The following MUC17 variants were observed in gnomAD, a reference collection of about 807,000 sequenced individuals.
MUC17 encodes the protein mucin 17, cell surface associated.
In MUC17, 190 loss-of-function variants were observed where a neutral mutation model predicts 170.3. That is an observed-to-expected ratio of 1.12 (90% CI 0.99 to 1.26). The LOEUF (loss-of-function observed/expected upper bound fraction) is 1.26, where lower values mean the gene tolerates loss of function less well. Ranked by LOEUF, MUC17 falls within the 50% of genes most tolerant of loss-of-function variation. The probability of loss-of-function intolerance (pLI) is 0.00; values close to 1 mark genes in which losing one functional copy is unlikely to be tolerated. For missense variants in MUC17, 6,415 were observed against 5,530.0 expected, an observed-to-expected ratio of 1.16 and a Z score of -5.08; for synonymous variants, 2,325 against 2,002.5, an observed-to-expected ratio of 1.16 and a Z score of -4.30.
In MUC17 at chr7:101,035,648, C is replaced by T. The variant is rs1259471730; in HGVS notation, c.4232C>T (p.Ser1411Phe). The stretch of plus-strand genomic sequence containing the variant: ...GTCAGCACCACGCCGGTAGTCAGTT[C>T]TGAGGCTAGCACCCTTTCAGCAACT... ...IPVSTTPVVS[S>F]EASTLSATPV... The change falls in exon 3 of 13, where the codon TCT (serine) becomes TTT (phenylalanine). Residue 1411 changes from serine (S) to phenylalanine (F), a missense_variant. Transcript: ENST00000306151. 5.0e-6 allele frequency: 8 copies of T among 1,611,102 alleles called. No homozygotes were observed. The highest frequency in any genetic ancestry group is 5.9e-6 in the Non-Finnish European group (7 of 1,178,332).
Position 101,038,434 on chromosome 7 carries a change from T to G in MUC17, c.7018T>G (p.Leu2340Val). Residue 2340 changes from leucine (L) to valine (V), a missense_variant, in exon 3 of 13, where the codon TTA (leucine) becomes GTA (valine). By Grantham distance (32) the Leu-to-Val change is conservative. Transcript: ENST00000306151. ...AACTTCTAGTGAAGGAAACACTCCA[T>G]TAACACGTATGCCTGTCAGCACCAC... is the stretch of plus-strand genomic sequence containing the variant. ...TSTSSEGNTP[L>V]TRMPVSTTMV... 1 of 1,612,982 alleles carries G rather than the reference T, an allele frequency of 6.2e-7. No individual in the cohort carries two copies. Among genetic ancestry groups the G allele is most frequent in the Non-Finnish European group, 8.5e-7 (1 of 1,179,682 alleles).
Position 101,053,674 on chromosome 7 carries a change from T to G in MUC17, c.13363+238T>G, listed in dbSNP as rs1257565689. The G allele has an allele frequency of 1.0e-5, 4 of 396,074 alleles. No homozygotes were observed. The East Asian group carries it at 1.3e-4, about 13-fold the overall frequency. The allele number at this position is 396,074 out of a possible 1,614,324, so 24.5% of individuals were successfully genotyped here. On this transcript the variant is annotated intron_variant, in intron 11 of 12. Transcript: ENST00000306151. ...AGGTGGACCACTTGAGGTCAGGAGT[T>G]TGAGACCAGCCTGGACCACATAGTG...
In MUC17 at chr7:101,043,143, T is replaced by C. The variant is rs780525512; in HGVS notation, c.11727T>C (p.Ser3909=). 1.8e-5 allele frequency: 29 copies of C among 1,614,056 alleles called. No homozygotes were observed. The highest frequency in any genetic ancestry group is 1.8e-4 in the South Asian group (16 of 91,090). Residue 3909 remains serine, a synonymous_variant, in exon 3 of 13, where the codon TCT becomes TCC. Transcript: ENST00000306151. ...ACACAAGCACAACTTTTACCCCTTCTACTGACACTGCCTCAACTCCCACAA... is the reference window on the plus strand; with the variant it reads ...ACACAAGCACAACTTTTACCCCTTCCACTGACACTGCCTCAACTCCCACAA... The part of the protein sequence containing the change: ...PLDTSTTFTP[S]TDTASTPTIP...
At position 101,037,428 on chromosome 7, in the gene MUC17, T is replaced by G. The variant is rs750143032; in HGVS notation, c.6012T>G (p.Thr2004=). 6.2e-6 allele frequency: 10 copies of G among 1,601,882 alleles called. No homozygotes were observed. The South Asian group carries it at 6.7e-5, about 11-fold the overall frequency. The change falls in exon 3 of 13, where the codon ACT becomes ACG. Residue 2004 remains threonine (T), a synonymous_variant. Transcript: ENST00000306151. ...TTLVVSSEAS[T]LSTTPVDTST... is the part of the protein sequence containing the mutation. The stretch of plus-strand genomic sequence containing the variant: ...TGGTGGTCAGTTCTGAGGCTAGCAC[T>G]CTTTCCACAACTCCTGTTGACACCA...
chr7:101,032,755 C>G lies in MUC17; in HGVS notation c.1339C>G (p.Pro447Ala). The G allele has an allele frequency of 6.2e-7, 1 of 1,613,982 alleles. No individual in the cohort carries two copies. Among genetic ancestry groups the G allele is most frequent in the Non-Finnish European group, 8.5e-7 (1 of 1,179,958 alleles). The change falls in exon 3 of 13, where the codon CCT becomes GCT. Residue 447 changes from proline to alanine, a missense_variant. Transcript: ENST00000306151. The part of the protein sequence containing the change: ...AEDTSIATST[P>A]SEGSTPLTSM... Reference sequence around the variant, plus strand: ...AGATACCAGCATTGCAACCTCAACTCCTAGTGAAGGAAGCACTCCATTAAC... The same window carrying G: ...AGATACCAGCATTGCAACCTCAACTGCTAGTGAAGGAAGCACTCCATTAAC...
At chr7:101,048,651 G>T (rs1177444400) in intron 4 of MUC17, among the ~76,000 whole-genome samples, 194 bp from the exon 5 acceptor site, 2 of 151,050 alleles carry the variant, frequency 1.3e-5, no homozygotes, top group African/African-American at 4.9e-5. Flanking sequence ...GAGGGAAAGA[G>T]ATAAAGAAAG....
In MUC17 at chr7:101,036,387, C is replaced by G; in HGVS notation, c.4971C>G (p.Asp1657Glu). 1.2e-6 allele frequency: 2 copies of G among 1,612,566 alleles called. No individual in the cohort carries two copies. The highest frequency in any genetic ancestry group is 1.7e-6 in the Non-Finnish European group (2 of 1,179,468). ...EASTLSTTPV[D>E]SNSPVITSTE... ...GCACCCTTTCAACAACTCCTGTTGACTCCAACAGTCCTGTGATCACTTCTA... is the reference window on the plus strand; with the variant it reads ...GCACCCTTTCAACAACTCCTGTTGAGTCCAACAGTCCTGTGATCACTTCTA... The change falls in exon 3 of 13, where the codon GAC becomes GAG. Residue 1657 changes from aspartate (D) to glutamate (E), a missense_variant. By Grantham distance (45) the Asp-to-Glu change is conservative. Coordinates refer to ENST00000306151, the MANE Select transcript of MUC17 (RefSeq NM_001040105.2).
In MUC17 at chr7:101,051,918, T is replaced by C; in HGVS notation, c.13059T>C (p.Cys4353=). ...CTGGCTTCAGTGTCTCCAAGAACTG[T>C]AACCTCGGCAAGTGCCAGATGTCTC... The part of the protein sequence containing the change: ...CEPGFSVSKN[C]NLGKCQMSLS... The change falls in exon 9 of 13, where the codon TGT becomes TGC. Residue 4353 remains cysteine (C), a synonymous_variant. Coordinates refer to ENST00000306151, the MANE Select transcript of MUC17 (RefSeq NM_001040105.2). 6.2e-7 allele frequency: 1 copy of C among 1,614,178 alleles called. No individual in the cohort carries two copies.
Position 101,037,184 on chromosome 7 carries a change from A to C in MUC17, c.5768A>C (p.Glu1923Ala). The change falls in exon 3 of 13, where the codon GAA becomes GCA. Residue 1923 changes from glutamate (E) to alanine (A), a missense_variant. Transcript: ENST00000306151. ...GSSMPTSTPR[E>A]GRPPLTSIPV... ...AGCATGCCAACCTCAACTCCTAGGG[A>C]AGGAAGGCCTCCATTAACAAGTATA... 6.2e-7 allele frequency: 1 copy of C among 1,612,900 alleles called. No homozygotes were observed. The highest frequency in any genetic ancestry group is 1.1e-5 in the South Asian group (1 of 90,720).
Position 101,040,099 on chromosome 7 carries a change from G to A in MUC17, c.8683G>A (p.Asp2895Asn). 1 of 1,612,678 alleles carries A rather than the reference G, an allele frequency of 6.2e-7. No individual in the cohort carries two copies. Among genetic ancestry groups the A allele is most frequent in the Non-Finnish European group, 8.5e-7 (1 of 1,179,506 alleles). The change falls in exon 3 of 13, where the codon GAT becomes AAT. Residue 2895 changes from aspartate (D) to asparagine (N), a missense_variant. Transcript: ENST00000306151. Reference sequence around the variant, plus strand: ...TAGCACCCTTTCAACAACTCCTGTTGATACCAGCATACCTGTCACCACTTC... The same window carrying A: ...TAGCACCCTTTCAACAACTCCTGTTAATACCAGCATACCTGTCACCACTTC... ...EASTLSTTPV[D>N]TSIPVTTSTE...
Position 101,050,515 on chromosome 7 carries a change from C to T in MUC17, c.12754C>T (p.Leu4252Phe), listed in dbSNP as rs1386838242. 1.9e-6 allele frequency: 3 copies of T among 1,613,814 alleles called. No individual in the cohort carries two copies. In the Admixed American group the frequency reaches 5.0e-5, roughly 27 times the overall value. The stretch of plus-strand genomic sequence containing the variant: ...CAGTGTGGTGGTGGAGCATGACGTC[C>T]TCCTAAGAACCAAGTACACACCAGA... ...LGSVVVEHDV[L>F]LRTKYTPEYK... The change falls in exon 7 of 13, where the codon CTC (leucine) becomes TTC (phenylalanine). Residue 4252 changes from leucine to phenylalanine, a missense_variant. Coordinates refer to ENST00000306151, the MANE Select transcript of MUC17 (RefSeq NM_001040105.2).
rs530507602 is a variant in MUC17 at position 101,037,272 on chromosome 7, C to G, written c.5856C>G (p.Asp1952Glu). The G allele has an allele frequency of 6.2e-7, 1 of 1,611,914 alleles. No homozygotes were observed. Among genetic ancestry groups the G allele is most frequent in the African/African-American group, 1.3e-5 (1 of 74,982 alleles). The change falls in exon 3 of 13, where the codon GAC (aspartate) becomes GAG (glutamate). Residue 1952 changes from aspartate (D) to glutamate (E), a missense_variant. Physicochemically the swap from Asp to Glu is conservative, Grantham distance 45. Coordinates refer to ENST00000306151, the MANE Select transcript of MUC17 (RefSeq NM_001040105.2). ...ACACCCTTTCAACAACTCTTGCTGA[C>G]ACCAGGACACCTGTGACCACTTATT... ...EINTLSTTLA[D>E]TRTPVTTYSQ...
At position 101,058,212 on chromosome 7, in the gene MUC17, G is replaced by A. The variant is rs1169359872; in HGVS notation, c.*168G>A. On this transcript the variant is annotated 3_prime_UTR_variant, in exon 13 of 13. Coordinates refer to ENST00000306151, the MANE Select transcript of MUC17 (RefSeq NM_001040105.2). ...AAGAGGAGAGACAGCAGTGCTGGGA[G>A]ATTCTCAAATAGAAACCCGTGGACG... 5.5e-6 allele frequency: 3 copies of A among 541,984 alleles called. No homozygotes were observed. The highest frequency in any genetic ancestry group is 6.4e-5 in the Admixed American group (2 of 31,470). The allele number at this position is 541,984 out of a possible 1,614,324, so 33.6% of individuals were successfully genotyped here. A position where few individuals can be genotyped will look rare whatever the true frequency, so the allele number is the denominator to read the frequency against.
At chr7:101,031,493 A>T (rs998324048) in intron 2 of MUC17, 108 bp from the exon 3 acceptor site, 2 of 1,210,978 alleles carry the variant, frequency 1.7e-6, no homozygotes, top group African/African-American at 3.1e-5. Flanking sequence ...AACGGATGAC[A>T]TCCCTTATCT....
intron 3 of MUC17, among the ~76,000 whole-genome samples, chr7:101,044,645 T>C (rs1794802469): frequency 6.6e-6 from 1 of 152,212 alleles, no homozygotes; most frequent in African/African-American, 2.4e-5. Context: ...TTTTCTCTCT[T>C]TTGTATTCTG....
rs1405082289 is a variant in MUC17, at chr7:101,058,024, G to A, written c.13462G>A (p.Val4488Ile). 1 of 1,613,972 alleles carries A rather than the reference G, an allele frequency of 6.2e-7. No homozygotes were observed. The highest frequency in any genetic ancestry group is 1.1e-5 in the South Asian group (1 of 91,062). ...TCAGATCCGAATTCAGAGGCCTCAG[G>A]TAATGACGACATCATTTTAAGGCAT... The part of the protein sequence containing the change: ...ETKIRIQRPQ[V>I]MTTSF Residue 4488 changes from valine (V) to isoleucine (I), a missense_variant, in exon 13 of 13, where the codon GTA (valine) becomes ATA (isoleucine). By Grantham distance (29) the Val-to-Ile change is conservative. Coordinates refer to ENST00000306151, the MANE Select transcript of MUC17 (RefSeq NM_001040105.2).
Position 101,034,707 on chromosome 7 carries a change from T to G in MUC17, c.3291T>G (p.Ser1097Arg), listed in dbSNP as rs11769696. 5.0e-6 allele frequency: 8 copies of G among 1,603,944 alleles called. No homozygotes were observed. Among genetic ancestry groups the G allele is most frequent in the Non-Finnish European group, 5.9e-6 (7 of 1,177,064 alleles). The change falls in exon 3 of 13, where the codon AGT (serine) becomes AGG (arginine). Residue 1097 changes from serine (S) to arginine (R), a missense_variant. Physicochemically the swap from Ser to Arg is moderately radical, Grantham distance 110. Transcript: ENST00000306151. ...DGTSMPTSTY[S>R]EGSTPLTSVP... ...CCAGCATGCCAACCTCAACTTATAG[T>G]GAAGGAAGCACTCCACTAACAAGTG...
At position 101,039,295 on chromosome 7, in the gene MUC17, A is replaced by G; in HGVS notation, c.7879A>G (p.Thr2627Ala). The change falls in exon 3 of 13, where the codon ACT (threonine) becomes GCT (alanine). Residue 2627 changes from threonine (T) to alanine (A), a missense_variant. Thr to Ala is a moderately conservative substitution (Grantham distance 58, BLOSUM62 0). Coordinates refer to ENST00000306151, the MANE Select transcript of MUC17 (RefSeq NM_001040105.2). The stretch of plus-strand genomic sequence containing the variant: ...AAAAGATACCAGCATGCCAATCTCA[A>G]CTCCTAGTGAAGTAAGTACTTCATT... ...TAKDTSMPISTPSEVSTSLTS... is the reference protein window; with the variant it reads ...TAKDTSMPISAPSEVSTSLTS... 2 of 1,612,452 alleles carry G rather than the reference A, an allele frequency of 1.2e-6. No individual in the cohort carries two copies. The highest frequency in any genetic ancestry group is 8.5e-7 in the Non-Finnish European group (1 of 1,179,538).
Position 101,042,386 on chromosome 7 carries a change from C to T in MUC17, c.10970C>T (p.Thr3657Ile), listed in dbSNP as rs964438117. 3.7e-6 allele frequency: 6 copies of T among 1,614,098 alleles called. No homozygotes were observed. Among genetic ancestry groups the T allele is most frequent in the Non-Finnish European group, 5.1e-6 (6 of 1,179,958 alleles). Residue 3657 changes from threonine to isoleucine, a missense_variant, in exon 3 of 13, where the codon ACA (threonine) becomes ATA (isoleucine). Transcript: ENST00000306151. ...VTISEAGTAS[T>I]LPVDTSTPVI... is the part of the protein sequence containing the mutation. ...ATTTCTGAGGCTGGCACAGCTTCAA[C>T]ACTTCCTGTTGACACCAGCACACCT...
Sources: gnomAD v4.1 joint callset for allele counts (sites outside exome capture counted in the v4.1 genomes callset) on GRCh38, gnomAD v4.1.1 for gene constraint, MANE v1.5 for transcripts, NCBI Gene and HGNC (gene_info 2026-07-23, HGNC 2026-07-21) for gene names.